The following KCNMA1 variants were observed in gnomAD, a reference collection of about 807,000 sequenced individuals.
KCNMA1 encodes the protein potassium calcium-activated channel subfamily M alpha 1.
KCNMA1 carries 29 observed loss-of-function variants against 140.0 expected under a neutral mutation model. The ratio of observed to expected loss-of-function variants is 0.21; its 90% CI spans 0.15 to 0.28. The LOEUF (loss-of-function observed/expected upper bound fraction) is 0.28, where lower values mean the gene tolerates loss of function less well. KCNMA1 is among the 10% of genes least tolerant of loss of function. The pLI is 1.00. For missense variants in KCNMA1, 880 were observed against 1,602.2 expected (o/e 0.55, Z 7.70); for synonymous variants, 612 against 611.9 (o/e 1.00, Z 0.00).
chr10:77,588,763 G>C (rs2154564332), intron 1 of KCNMA1, among the ~76,000 whole-genome samples: 1 of 152,366 alleles, frequency 6.6e-6, no homozygotes, highest in Non-Finnish European at 1.5e-5. Context: ...GAAACCTGGG[G>C]AAGCCAGAAC....
chr10:77,403,850 G>C lies in KCNMA1; in HGVS notation c.540+12C>G, dbSNP rs1460157433. ...CAAGGCCTCCTGGTGTGAGAAGTGG[G>C]TGGAGACTCACCAGGACTCTGCCAG... On this transcript the variant is annotated intron_variant, in intron 2 of 27. Transcript: ENST00000286628. 1 of 1,610,000 alleles carries C rather than the reference G, an allele frequency of 6.2e-7. No individual in the cohort carries two copies. The highest frequency in any genetic ancestry group is 8.5e-7 in the Non-Finnish European group (1 of 1,177,346).
chr10:77,504,059 A>G (rs2044895648), intron 1 of KCNMA1, among the ~76,000 whole-genome samples: 1 of 152,126 alleles, frequency 6.6e-6, no homozygotes, highest in South Asian at 2.1e-4. Flanking sequence ...ACATAGGGAT[A>G]CAATTGGGTA....
intron 1 of KCNMA1, among the ~76,000 whole-genome samples, chr10:77,612,361 A>AT (rs1174614472): frequency 6.6e-6 from 1 of 152,210 alleles, no homozygotes; most frequent in African/African-American, 2.4e-5. Context: ...ATTATTCTTC[A>AT]GAACTCAGGG....
At chr10:77,465,003 A>G (rs965181785) in intron 1 of KCNMA1, among the ~76,000 whole-genome samples, 2 of 152,220 alleles carry the variant, frequency 1.3e-5, no homozygotes, top group African/African-American at 4.8e-5. Context: ...GGTAGGTAAC[A>G]AAGGAATAGC....
intron 3 of KCNMA1, among the ~76,000 whole-genome samples, chr10:77,193,421 A>G (rs1360088858): frequency 6.6e-6 from 1 of 152,208 alleles, no homozygotes; most frequent in East Asian, 1.9e-4. Context: ...CTTAGGAATC[A>G]TGACTGACCA....
At chr10:77,388,788 C>A (rs2095705617) in intron 2 of KCNMA1, among the ~76,000 whole-genome samples, 1 of 152,148 alleles carries the variant, frequency 6.6e-6, no homozygotes, top group African/African-American at 2.4e-5. Flanking sequence ...TCCATCTCAG[C>A]CCCGGGAAGA....
chr10:76,905,349 A>C (rs1215554777), intron 25 of KCNMA1, among the ~76,000 whole-genome samples: 1 of 152,212 alleles, frequency 6.6e-6, no homozygotes, highest in African/African-American at 2.4e-5. Context: ...TCACTGTCCT[A>C]GCCAGCGTAT....
At chr10:77,171,922 T>G (rs1597834655) in intron 5 of KCNMA1, among the ~76,000 whole-genome samples, 2 of 152,202 alleles carry the variant, frequency 1.3e-5, no homozygotes, top group African/African-American at 4.8e-5. Context: ...CCTATAAACT[T>G]ACTGTTCTTT....
chr10:77,581,401 C>G (rs566706981), intron 1 of KCNMA1, among the ~76,000 whole-genome samples: 3 of 152,076 alleles, frequency 2.0e-5, no homozygotes, highest in African/African-American at 7.2e-5. Flanking sequence ...CTCTGCCTCC[C>G]GGGTTCACGG....
intron 2 of KCNMA1, among the ~76,000 whole-genome samples, chr10:77,277,286 G>A (rs759242501): frequency 2.6e-5 from 4 of 152,154 alleles, no homozygotes; most frequent in Non-Finnish European, 5.9e-5. Context: ...CAGCTCCCTG[G>A]GGTTCAGACT....
At chr10:77,307,308 C>G (rs2078029150) in intron 2 of KCNMA1, among the ~76,000 whole-genome samples, 1 of 152,196 alleles carries the variant, frequency 6.6e-6, no homozygotes, top group Admixed American at 6.5e-5. Flanking sequence ...CAGTCCCCAA[C>G]TTACAATGGC....
chr10:77,018,809 C>T (rs549899065), intron 17 of KCNMA1, among the ~76,000 whole-genome samples: 4 of 152,248 alleles, frequency 2.6e-5, no homozygotes, highest in Admixed American at 2.6e-4. Context: ...GGTAACTAGG[C>T]TTCCTAGTTC....
chr10:77,622,593 A>T (rs1366568532), intron 1 of KCNMA1, among the ~76,000 whole-genome samples: 1 of 152,210 alleles, frequency 6.6e-6, no homozygotes, highest in Non-Finnish European at 1.5e-5. Context: ...CACAGTAATC[A>T]CTCAAAGTTT....
intron 2 of KCNMA1, among the ~76,000 whole-genome samples, chr10:77,394,941 G>A (rs2095987024): frequency 1.3e-5 from 2 of 152,276 alleles, no homozygotes; most frequent in African/African-American, 4.8e-5. Flanking sequence ...CAGACGATAC[G>A]TAAATGAGTG....
chr10:77,531,386 G>A (rs568100953), intron 1 of KCNMA1, among the ~76,000 whole-genome samples: 1 of 152,320 alleles, frequency 6.6e-6, no homozygotes, highest in South Asian at 2.1e-4. Flanking sequence ...ATACTGAAAT[G>A]GACAGAAGGA....
At chr10:77,394,919 C>A (rs987024513) in intron 2 of KCNMA1, among the ~76,000 whole-genome samples, 2 of 152,186 alleles carry the variant, frequency 1.3e-5, no homozygotes, top group Non-Finnish European at 2.9e-5. Context: ...TAGCTTCTTA[C>A]AGAAGCAGCC....
chr10:77,382,435 G>C (rs977619238), intron 2 of KCNMA1, among the ~76,000 whole-genome samples: 1 of 152,186 alleles, frequency 6.6e-6, no homozygotes, highest in South Asian at 2.1e-4. Context: ...GTAATTGGAG[G>C]AGAAGAGCCC....
At chr10:77,337,215 G>C (rs2089385027) in intron 2 of KCNMA1, among the ~76,000 whole-genome samples, 1 of 152,184 alleles carries the variant, frequency 6.6e-6, no homozygotes, top group Non-Finnish European at 1.5e-5. Context: ...CATTCAACAG[G>C]ATCTTGTCCC....
chr10:77,130,537 G>A (rs2097839577), intron 5 of KCNMA1, among the ~76,000 whole-genome samples: 1 of 152,124 alleles, frequency 6.6e-6, no homozygotes, highest in Admixed American at 6.6e-5. Context: ...CCAAAATTCT[G>A]TATATAATAC....
Sources: gnomAD v4.1 joint callset for allele counts (sites outside exome capture counted in the v4.1 genomes callset) on GRCh38, gnomAD v4.1.1 for gene constraint, MANE v1.5 for transcripts, NCBI Gene and HGNC (gene_info 2026-07-23, HGNC 2026-07-21) for gene names.